STAB2: variants seen among roughly 807,000 people sequenced by gnomAD.
The protein encoded by STAB2 is stabilin-2.
STAB2 carries 288 observed loss-of-function variants against 338.1 expected under a neutral mutation model. That is an observed-to-expected ratio of 0.85 (90% CI 0.77 to 0.94). The LOEUF is 0.94. STAB2 is among the 40% of genes least tolerant of loss of function. STAB2 has a pLI of 0.00. For missense variants in STAB2, 3,141 were observed against 3,210.1 expected, an observed-to-expected ratio of 0.98 and a Z score of 0.52; for synonymous variants, 1,202 against 1,193.3, an observed-to-expected ratio of 1.01 and a Z score of -0.15.
chr12:103,690,327 A>G (rs1050905036), intron 29 of STAB2, 97 bp from the exon 30 acceptor site: 35 of 1,101,672 alleles, frequency 3.2e-5, no homozygotes, highest in Middle Eastern at 2.2e-4. Context: ...AATTTTGACT[A>G]TGGCAATCTG....
rs1566064884 is a variant in STAB2, at chr12:103,740,763, G to T, written c.5881+7G>T. 1 of 1,567,766 alleles carries T rather than the reference G, an allele frequency of 6.4e-7. No homozygotes were observed. The highest frequency in any genetic ancestry group is 2.1e-5 in the Admixed American group (1 of 47,946). On this transcript the variant is annotated splice_region_variant and intron_variant, in intron 55 of 68. Transcript: ENST00000388887. ...TTCGGGCGAGACTGTCAGGGTGAGG[G>T]TGCCTCTTCCCCCCTCGCAACTCTA...
Position 103,705,719 on chromosome 12 carries a change from A to G in STAB2, c.3988A>G (p.Thr1330Ala). 1.2e-6 allele frequency: 2 copies of G among 1,614,176 alleles called. No homozygotes were observed. Among genetic ancestry groups the G allele is most frequent in the South Asian group, 2.2e-5 (2 of 91,082 alleles). The change falls in exon 37 of 69, where the codon ACC (threonine) becomes GCC (alanine). Residue 1330 changes from threonine to alanine, a missense_variant. Thr to Ala is a moderately conservative substitution (Grantham distance 58). Transcript: ENST00000388887. ...FIGCQPKCVR[T>A]VITRECCAGF... is the part of the protein sequence containing the mutation. ...TGGGTGCCAGCCAAAATGTGTGAGA[A>G]CCGTCATTGTGAGTACAATAATTGA...
rs1593304999 is a variant in STAB2, at chr12:103,737,548, A to G, written c.5551-86A>G. The G allele has an allele frequency of 2.1e-6, 3 of 1,425,100 alleles. No individual in the cohort carries two copies. In the East Asian group the frequency reaches 7.4e-5, roughly 35 times the overall value. The allele number at this position is 1,425,100 out of a possible 1,614,324, so 88.3% of individuals were successfully genotyped here. A position where few individuals can be genotyped will look rare whatever the true frequency, so the allele number is the denominator to read the frequency against. ...GGCCATGTTACATGGCTGGGAAAGA[A>G]GAGATGTGTGAAAGAGATTGACTGT... On this transcript the variant is annotated intron_variant, in intron 52 of 68. Coordinates refer to ENST00000388887, the MANE Select transcript of STAB2 (RefSeq NM_017564.10).
chr12:103,684,927 G>A, intron 26 of STAB2, 62 bp from the exon 27 acceptor site: 3 of 1,532,130 alleles, frequency 2.0e-6, no homozygotes, highest in South Asian at 1.1e-5. Context: ...TCGTCTCATA[G>A]ATGTAACTCA....
chr12:103,626,814 C>T (rs1957387893), intron 5 of STAB2, among the ~76,000 whole-genome samples: 1 of 152,172 alleles, frequency 6.6e-6, no homozygotes, highest in Non-Finnish European at 1.5e-5. Flanking sequence ...TGGGGGCACT[C>T]TCCTACCAGA....
intron 15 of STAB2, among the ~76,000 whole-genome samples, 178 bp from the exon 16 acceptor site, chr12:103,660,153 C>T (rs183660091): frequency 1.2e-3 from 190 of 152,318 alleles, no homozygotes; most frequent in African/African-American, 4.0e-3. Context: ...GCCTCTTCCA[C>T]AGAGTGGGAA....
chr12:103,660,174 G>T, intron 15 of STAB2, among the ~76,000 whole-genome samples, 157 bp from the exon 16 acceptor site: 1 of 152,302 alleles, frequency 6.6e-6, no homozygotes, highest in Non-Finnish European at 1.5e-5. Context: ...TTTGGTGAAC[G>T]TTAGCTATTT....
chr12:103,669,356 T>C, intron 20 of STAB2, 185 bp from the exon 21 acceptor site: 1 of 592,232 alleles, frequency 1.7e-6, no homozygotes, highest in Non-Finnish European at 3.0e-6. Flanking sequence ...GGGGAGGGGC[T>C]CAGTAGAGTT....
chr12:103,716,016 G>A (rs1880284541), intron 43 of STAB2, 128 bp downstream of exon 43: 1 of 1,022,248 alleles, frequency 9.8e-7, no homozygotes, highest in Non-Finnish European at 1.4e-6. Context: ...AAATACTTTA[G>A]GGGAAATTCT....
chr12:103,621,337 C>T (rs1438575375), intron 4 of STAB2, among the ~76,000 whole-genome samples: 4 of 144,080 alleles, frequency 2.8e-5, no homozygotes, highest in African/African-American at 9.8e-5. Context: ...TGAAGAATTT[C>T]TTCGTTATCT....
rs1349769932 is a variant in STAB2, at chr12:103,706,987, G to A, written c.4192G>A (p.Ala1398Thr). 6.2e-7 allele frequency: 1 copy of A among 1,614,050 alleles called. No homozygotes were observed. The highest frequency in any genetic ancestry group is 2.2e-5 in the East Asian group (1 of 44,888). The change falls in exon 38 of 69, where the codon GCA (alanine) becomes ACA (threonine). Residue 1398 changes from alanine (A) to threonine (T), a missense_variant and splice_region_variant. By Grantham distance (58) the Ala-to-Thr change is moderately conservative (BLOSUM62 0). Transcript: ENST00000388887. ...CAAGTACGGCATCCACTGTGACCAA[G>A]GTGAGCACCGTCCTCTCCACAGAGG... The part of the protein sequence containing the change: ...EGKYGIHCDQ[A>T]CSCVHGRCNQ...
chr12:103,739,352 A>G (rs1431558631), intron 53 of STAB2, 60 bp from the exon 54 acceptor site: 1 of 1,469,068 alleles, frequency 6.8e-7, no homozygotes, highest in Non-Finnish European at 9.2e-7. Flanking sequence ...TTAATCAGGA[A>G]CATTTCCTTG....
chr12:103,630,406 G>A (rs1452565691), intron 5 of STAB2, among the ~76,000 whole-genome samples: 1 of 152,158 alleles, frequency 6.6e-6, no homozygotes, highest in African/African-American at 2.4e-5. Context: ...TTTCATTTGA[G>A]CTAACATTAA....
In STAB2 at chr12:103,655,586, C is replaced by T. The variant is rs368208597; in HGVS notation, c.1734+5C>T. ...GATTACCTCCTTTCTCCAGAGGTAC[C>T]GTATTCTGCTTGCTCTGATGGCATC... On this transcript the variant is annotated splice_donor_5th_base_variant and intron_variant, in intron 15 of 68. Transcript: ENST00000388887. 154 of 1,613,474 alleles carry T rather than the reference C, an allele frequency of 9.5e-5. No homozygotes were observed. In the African/African-American group the frequency reaches 1.6e-3, roughly 16 times the overall value.
At position 103,753,266 on chromosome 12, in the gene STAB2, T is replaced by G. The variant is rs771018898; in HGVS notation, c.6627T>G (p.Tyr2209Ter). The G allele has an allele frequency of 8.7e-6, 14 of 1,614,220 alleles. No individual in the cohort carries two copies. The South Asian group carries it at 1.5e-4, about 18-fold the overall frequency. ...ATCTACGCTCCCCACTGGGCCAGTA[T>G]AAGCTGACCTTTGACAAAGCCAGAG... ...VFHLRSPLGQ[Y>*]KLTFDKAREA... Residue 2209 changes from tyrosine (Y) to a stop codon, truncating the protein, a stop_gained, in exon 61 of 69, where the codon TAT becomes TAG. Coordinates refer to ENST00000388887, the MANE Select transcript of STAB2 (RefSeq NM_017564.10). LOFTEE classifies it high-confidence loss of function.
rs758931772 is a variant in STAB2 at position 103,638,087 on chromosome 12, A to G, written c.781A>G (p.Ser261Gly). Residue 261 changes from serine (S) to glycine (G), a missense_variant, in exon 8 of 69, where the codon AGT (serine) becomes GGT (glycine). By Grantham distance (56) the Ser-to-Gly change is moderately conservative (BLOSUM62 0). Transcript: ENST00000388887. Reference protein sequence around the residue: ...HCTYLGPNRHSCTCQEGYRGD... With the variant: ...HCTYLGPNRHGCTCQEGYRGD... Reference sequence around the variant, plus strand: ...TACGTACCTGGGACCAAATCGGCACAGTTGTACATGCCAAGAAGGCTACCG... The same window carrying G: ...TACGTACCTGGGACCAAATCGGCACGGTTGTACATGCCAAGAAGGCTACCG... 19 of 1,614,078 alleles carry G rather than the reference A, an allele frequency of 1.2e-5. No individual in the cohort carries two copies. In the East Asian group the frequency reaches 2.5e-4, roughly 21 times the overall value.
In STAB2 at chr12:103,631,614, T is replaced by C. The variant is rs1431345910; in HGVS notation, c.504T>C (p.His168=). Residue 168 remains histidine (H), a synonymous_variant, in exon 6 of 69, where the codon CAT becomes CAC. Coordinates refer to ENST00000388887, the MANE Select transcript of STAB2 (RefSeq NM_017564.10). ...TGTCTCCAGTGTGCAACTGTGTGCA[T>C]GGGGTGTGCAACAGTGGACTAGATG... ...PSCSSVCNCV[H]GVCNSGLDGD... 4.3e-6 allele frequency: 7 copies of C among 1,614,132 alleles called. No individual in the cohort carries two copies. Among genetic ancestry groups the C allele is most frequent in the African/African-American group, 2.7e-5 (2 of 75,018 alleles).
intron 9 of STAB2, among the ~76,000 whole-genome samples, chr12:103,644,889 C>T (rs966094354): frequency 6.6e-6 from 1 of 152,336 alleles, no homozygotes; most frequent in Middle Eastern, 3.4e-3. Flanking sequence ...TTATGCATTG[C>T]ATGTCTGTAA....
intron 27 of STAB2, among the ~76,000 whole-genome samples, 164 bp from the exon 28 acceptor site, chr12:103,688,004 C>T (rs1877581844): frequency 6.6e-6 from 1 of 152,192 alleles, no homozygotes; most frequent in Non-Finnish European, 1.5e-5. Flanking sequence ...CTAGCTGGAG[C>T]ACGCATTCAC....
Sources: allele counts gnomAD v4.1 joint callset (sites outside exome capture counted in the v4.1 genomes callset), GRCh38; gene constraint gnomAD v4.1.1; transcripts MANE v1.5; gene names NCBI Gene and HGNC (gene_info 2026-07-23, HGNC 2026-07-21).